The following SHF variants were observed in gnomAD, a reference collection of about 807,000 sequenced individuals.
SHF encodes Src homology 2 domain containing F, also known as SH2 domain-containing adapter protein F.
SHF carries 30 observed loss-of-function variants against 42.4 expected under a neutral mutation model. That is an observed-to-expected ratio of 0.71 (90% CI 0.53 to 0.96). SHF has a LOEUF of 0.96. Ranked by LOEUF, SHF falls within the 40% of genes least tolerant of loss-of-function variation. The pLI, the probability that SHF is intolerant of heterozygous loss-of-function variation, is 0.00. For missense variants in SHF, 598 were observed against 634.0 expected (o/e 0.94, Z 0.61); for synonymous variants, 264 against 269.9 (o/e 0.98, Z 0.21).
In SHF at chr15:45,178,205, A is replaced by G; in HGVS notation, c.600T>C (p.Asp200=). 1 of 1,613,704 alleles carries G rather than the reference A, an allele frequency of 6.2e-7. No homozygotes were observed. Among genetic ancestry groups the G allele is most frequent in the Non-Finnish European group, 8.5e-7 (1 of 1,179,882 alleles). ...GAGCCTCATAGGGCTCCATGTAGCC[A>G]TCATTTTCAGGGACCTTCTCTGGGG... The part of the protein sequence containing the change: ...SGAPEKVPEN[D]GYMEPYEAQK... Residue 200 remains aspartate (D), a synonymous_variant, in exon 2 of 7, where the codon GAT becomes GAC. Transcript: ENST00000690270.
At chr15:45,170,681 G>A (rs1595609297) in intron 6 of SHF, 1 of 279,946 alleles carries the variant, frequency 3.6e-6, no homozygotes, top group Non-Finnish European at 6.6e-6. Flanking sequence ...ACAGAGTCTT[G>A]CTGTTGTTGG....
intron 4 of SHF, among the ~76,000 whole-genome samples, chr15:45,172,783 C>T (rs1225298231): frequency 6.6e-6 from 1 of 152,168 alleles, no homozygotes; most frequent in Non-Finnish European, 1.5e-5. Context: ...CCCCTTGGTG[C>T]CATCCTGACA....
intron 6 of SHF, chr15:45,170,697 G>A (rs1897436629): frequency 3.4e-6 from 1 of 294,810 alleles, no homozygotes; most frequent in Non-Finnish European, 6.5e-6. Flanking sequence ...GTTGGCCTGG[G>A]CTGGAGTGCA....
At position 45,196,900 on chromosome 15, in the gene SHF, C is replaced by CAA. The variant is rs71114317; in HGVS notation, c.303+1870_303+1871dup. 2.5e-3 allele frequency among the ~76,000 whole-genome samples: 216 copies of CAA among 87,670 alleles called. 4 individuals are homozygous for CAA. The East Asian group carries it at 0.035, about 14-fold the overall frequency. 57.5% of individuals were successfully genotyped at this position (87,670 alleles called of 152,430 possible). A position where few individuals can be genotyped will look rare whatever the true frequency, so the allele number is the denominator to read the frequency against. ...TGGGTGACAGAGCAAGACTCCGTCT[C>CAA]AAAAAAAAAAAAAAAGGAAAGTGCA... On this transcript the variant is annotated intron_variant, in intron 2 of 7. Coordinates refer to the SHF transcript ENST00000290894.
intron 2 of SHF, chr15:45,198,742 A>T: frequency 1.3e-6 from 2 of 1,593,902 alleles, no homozygotes; most frequent in South Asian, 1.1e-5. Context: ...AGGCCTTCCC[A>T]GTTTGCGCGT....
At chr15:45,178,423 C>T in intron 1 of SHF, 117 bp from the exon 2 acceptor site, 1 of 1,225,766 alleles carries the variant, frequency 8.2e-7, no homozygotes, top group South Asian at 1.8e-5. Context: ...CGACCCAGAC[C>T]CCCAGGTACT....
At chr15:45,179,853 G>A (rs1348155203) in intron 1 of SHF, among the ~76,000 whole-genome samples, 1 of 152,156 alleles carries the variant, frequency 6.6e-6, no homozygotes, top group Non-Finnish European at 1.5e-5. Flanking sequence ...GGGAGGCCGT[G>A]GGGTGACTGG....
intron 2 of SHF, among the ~76,000 whole-genome samples, chr15:45,193,936 CAA>C (rs776163657): frequency 3.4e-4 from 42 of 125,032 alleles, no homozygotes; most frequent in Middle Eastern, 4.2e-3. Context: ...CCTTCTGTAC[CAA>C]AAAAAAAAAA....
intron 1 of SHF, among the ~76,000 whole-genome samples, chr15:45,185,625 C>T (rs1898351398): frequency 1.3e-5 from 2 of 152,312 alleles, no homozygotes; most frequent in South Asian, 4.2e-4. Context: ...CTGTAGCTGA[C>T]AAAGGAGTCA....
At position 45,187,734 on chromosome 15, in the gene SHF, T is replaced by A; in HGVS notation, c.218A>T (p.Glu73Val). 1.0e-6 allele frequency: 1 copy of A among 967,852 alleles called. No individual in the cohort carries two copies. Among genetic ancestry groups the A allele is most frequent in the Non-Finnish European group, 1.3e-6 (1 of 753,896 alleles). 60.0% of individuals were successfully genotyped at this position (967,852 alleles called of 1,614,324 possible). A position where few individuals can be genotyped will look rare whatever the true frequency, so the allele number is the denominator to read the frequency against. ...GGGCGCAGGGGGGCGGTAGTCGGGC[T>A]CGGGGGGCGCCGGCTTGCTGCCCCC... is the stretch of plus-strand genomic sequence containing the variant. ...GGGGSKPAPPEPDYRPPAPSP... is the reference protein window; with the variant it reads ...GGGGSKPAPPVPDYRPPAPSP... Residue 73 changes from glutamate to valine, a missense_variant, in exon 1 of 7, where the codon GAG becomes GTG. Glu to Val is a moderately radical substitution (Grantham distance 121, BLOSUM62 -2). Around this residue, in one of 2 missense-constraint regions of SHF, gnomAD observed 159 missense variants for 109.3 expected, o/e 1.45. Transcript: ENST00000690270.
rs746374602 is a variant in SHF, at chr15:45,171,873, C to G, written c.1280+10G>C. On this transcript the variant is annotated intron_variant, in intron 6 of 6. Coordinates refer to ENST00000690270, the MANE Select transcript of SHF (RefSeq NM_001394037.1). ...TTGCTGTCCCTGAAACCACAACTGT[C>G]CCCACTCACTTGAGGGAGAGGGAGA... 6.2e-7 allele frequency: 1 copy of G among 1,611,534 alleles called. No individual in the cohort carries two copies.
chr15:45,184,990 G>C (rs1237736629), intron 1 of SHF, among the ~76,000 whole-genome samples: 1 of 152,222 alleles, frequency 6.6e-6, no homozygotes, highest in Non-Finnish European at 1.5e-5. Flanking sequence ...TGAACCCCCT[G>C]GGCCTCTCGG....
chr15:45,171,544 T>TA, intron 6 of SHF: 1 of 340,502 alleles, frequency 2.9e-6, no homozygotes, highest in Non-Finnish European at 5.5e-6. Flanking sequence ...AGCACTATGC[T>TA]AAGCACTTCC....
intron 6 of SHF, chr15:45,170,892 T>C (rs1350174430): frequency 1.3e-5 from 2 of 158,036 alleles, no homozygotes; most frequent in African/African-American, 4.8e-5. Flanking sequence ...CTTCAGGTGA[T>C]CCACCTGCCA....
intron 1 of SHF, among the ~76,000 whole-genome samples, chr15:45,185,745 T>C (rs1898360141): frequency 6.6e-6 from 1 of 152,206 alleles, no homozygotes; most frequent in Non-Finnish European, 1.5e-5. Context: ...CATAGAACTG[T>C]GTGGGTGCAC....
rs1427000561 is a variant in SHF, at chr15:45,167,840, GAGAAGAAAGGTTTGAAAGATC to G, written c.*86_*106del. ...ATCTCCAGCTTCTACTGGATCCCAG[GAGAAGAAAGGTTTGAAAGATC>G]ACGTCCCTGGCAAGAGCCACAGCCC... On this transcript the variant is annotated 3_prime_UTR_variant, in exon 7 of 7. Coordinates refer to ENST00000690270, the MANE Select transcript of SHF (RefSeq NM_001394037.1). 2 of 1,087,236 alleles carry G rather than the reference GAGAAGAAAGGTTTGAAAGATC, an allele frequency of 1.8e-6. No individual in the cohort carries two copies. Among genetic ancestry groups the G allele is most frequent in the Non-Finnish European group, 2.5e-6 (2 of 802,846 alleles). 67.3% of individuals were successfully genotyped at this position (1,087,236 alleles called of 1,614,324 possible). A position where few individuals can be genotyped will look rare whatever the true frequency, so the allele number is the denominator to read the frequency against.
At chr15:45,199,669 C>T (rs1447804896) in intron 1 of SHF, among the ~76,000 whole-genome samples, 3 of 152,148 alleles carry the variant, frequency 2.0e-5, no homozygotes, top group African/African-American at 7.2e-5. Flanking sequence ...CCTCGAGAAG[C>T]GCCTACTACC....
At chr15:45,170,656 T>C in intron 6 of SHF, 1 of 333,212 alleles carries the variant, frequency 3.0e-6, no homozygotes, top group South Asian at 2.5e-5. Context: ...TTTTTTTTTT[T>C]TTTTTTTTTC....
chr15:45,176,513 A>G (rs1005845424), intron 2 of SHF, among the ~76,000 whole-genome samples: 1 of 151,298 alleles, frequency 6.6e-6, no homozygotes, highest in African/African-American at 2.4e-5. Context: ...CTCTCCCTAG[A>G]TCCTCTCTTG....
Sources: gnomAD v4.1 joint callset for allele counts (sites outside exome capture counted in the v4.1 genomes callset) on GRCh38, gnomAD v4.1.1 for gene constraint, gnomAD v4.1.1 regional missense constraint, MANE v1.5 for transcripts, NCBI Gene and HGNC (gene_info 2026-07-23, HGNC 2026-07-21) for gene names.